Variants in GPHN observed in about 807,000 individuals in gnomAD.
GPHN encodes the protein gephyrin.
GPHN carries 17 observed loss-of-function variants against 95.5 expected under a neutral mutation model. The observed-to-expected ratio is 0.18, with a 90% CI of 0.12 to 0.27. GPHN has a LOEUF of 0.27. Among genes scored for constraint, GPHN ranks in the 10% least tolerant of loss-of-function variants. The pLI is 1.00. For synonymous variants in GPHN, 320 were observed against 322.5 expected, an observed-to-expected ratio of 0.99 and a Z score of 0.08; for missense variants, 660 against 978.1, an observed-to-expected ratio of 0.67 and a Z score of 4.34.
chr14:67,697,777 G>A, the GPHN span, among the ~76,000 whole-genome samples: 1 of 152,172 alleles, frequency 6.6e-6, no homozygotes, highest in Non-Finnish European at 1.5e-5. Flanking sequence ...CAGTTTCTTG[G>A]TAAGGGTGTT....
At chr14:66,932,207 C>T (rs1014323170) in intron 8 of GPHN, among the ~76,000 whole-genome samples, 15 of 152,074 alleles carry the variant, frequency 9.9e-5, no homozygotes, top group Non-Finnish European at 2.1e-4. Context: ...TTTTCCCTTA[C>T]TTTTCCCCAA....
intron 2 of GPHN, among the ~76,000 whole-genome samples, chr14:66,682,113 TGA>T (rs1171014466): frequency 6.6e-6 from 1 of 152,214 alleles, no homozygotes; most frequent in African/African-American, 2.4e-5. Context: ...TTAAAAAATA[TGA>T]GAGTGCTGAA....
chr14:67,529,485 T>C, the GPHN span, among the ~76,000 whole-genome samples: 2 of 152,196 alleles, frequency 1.3e-5, no homozygotes, highest in African/African-American at 4.8e-5. Flanking sequence ...AATGAATAAA[T>C]GAAAGAAGAG....
At chr14:67,265,834 G>A in the GPHN span, among the ~76,000 whole-genome samples, 6 of 149,598 alleles carry the variant, frequency 4.0e-5, no homozygotes, top group Non-Finnish European at 8.9e-5. Flanking sequence ...TCCAGCCTGG[G>A]TGACAGAGTG....
At chr14:66,858,700 T>C (rs1406011361) in intron 4 of GPHN, among the ~76,000 whole-genome samples, 1 of 151,940 alleles carries the variant, frequency 6.6e-6, no homozygotes, top group Non-Finnish European at 1.5e-5. Flanking sequence ...AAGTGGGCTC[T>C]TGGGGACCTG....
At chr14:66,801,624 C>A (rs141117740) in intron 3 of GPHN, among the ~76,000 whole-genome samples, 1,694 of 133,516 alleles carry the variant, frequency 0.013, 14 homozygotes, top group Non-Finnish European at 0.019. Flanking sequence ...CCCCTCCCCC[C>A]GCTCTCTCCC....
the GPHN span, among the ~76,000 whole-genome samples, chr14:67,233,918 C>A: frequency 6.6e-6 from 1 of 152,012 alleles, no homozygotes; most frequent in Non-Finnish European, 1.5e-5. Context: ...GAATTCAGGG[C>A]AGAAGTTCAG....
At chr14:66,542,541 T>C (rs1392708424) in intron 1 of GPHN, among the ~76,000 whole-genome samples, 2 of 152,196 alleles carry the variant, frequency 1.3e-5, no homozygotes, top group African/African-American at 4.8e-5. Context: ...ATCCCTTCGT[T>C]TGTGCATTAG....
the GPHN span, among the ~76,000 whole-genome samples, chr14:67,601,879 TA>T: frequency 2.6e-3 from 376 of 145,674 alleles, 1 homozygote; most frequent in Middle Eastern, 7.2e-3. Context: ...TATATTCATT[TA>T]AAAAAAAAAA....
the GPHN span, among the ~76,000 whole-genome samples, chr14:67,516,840 T>C: frequency 1.3e-5 from 2 of 152,146 alleles, no homozygotes; most frequent in African/African-American, 2.4e-5. Context: ...GAGGGAGTCA[T>C]GTTGGGTTCC....
chr14:66,616,379 C>T (rs1418735112), intron 1 of GPHN, among the ~76,000 whole-genome samples: 1 of 149,958 alleles, frequency 6.7e-6, no homozygotes. Flanking sequence ...AGGCTGCTGA[C>T]CCATGGATGG....
At chr14:66,880,199 T>C (rs1567053479) in intron 5 of GPHN, among the ~76,000 whole-genome samples, 166 bp downstream of exon 5, 1 of 149,288 alleles carries the variant, frequency 6.7e-6, no homozygotes, top group Admixed American at 6.7e-5. Context: ...CTATCATTGT[T>C]AAAAAAAAAA....
intron 19 of GPHN, among the ~76,000 whole-genome samples, chr14:67,160,150 T>G (rs953913255): frequency 6.6e-6 from 1 of 152,170 alleles, no homozygotes; most frequent in Non-Finnish European, 1.5e-5. Flanking sequence ...AAGTCTCTAT[T>G]AAATGAGAAC....
the GPHN span, among the ~76,000 whole-genome samples, chr14:67,730,893 C>A: frequency 6.6e-6 from 1 of 151,828 alleles, no homozygotes; most frequent in African/African-American, 2.4e-5. Flanking sequence ...CGTGAGCCAC[C>A]GCGCCCAGCC....
chr14:67,593,641 T>C, the GPHN span: 1 of 669,878 alleles, frequency 1.5e-6, no homozygotes, highest in East Asian at 2.7e-5. Flanking sequence ...ACCTTTTAAA[T>C]ATAAGTCTCA....
intron 3 of GPHN, among the ~76,000 whole-genome samples, chr14:66,780,609 C>T (rs971840348): frequency 1.3e-5 from 2 of 150,788 alleles, no homozygotes; most frequent in African/African-American, 2.4e-5. Flanking sequence ...AAGCAGGATT[C>T]ATGGATGATA....
the GPHN span, among the ~76,000 whole-genome samples, chr14:67,361,426 C>A: frequency 2.6e-5 from 4 of 152,190 alleles, no homozygotes; most frequent in East Asian, 7.7e-4. Flanking sequence ...TGATAACTTT[C>A]TTTTTCAACT....
the GPHN span, among the ~76,000 whole-genome samples, chr14:67,713,818 C>T: frequency 1.3e-5 from 2 of 152,146 alleles, no homozygotes; most frequent in Non-Finnish European, 2.9e-5. Flanking sequence ...GTAAAATGAA[C>T]ATCGGTTTGG....
At chr14:66,785,923 T>C (rs1351508527) in intron 3 of GPHN, among the ~76,000 whole-genome samples, 2 of 152,116 alleles carry the variant, frequency 1.3e-5, no homozygotes, top group Admixed American at 6.5e-5. Flanking sequence ...GGAAAAATTA[T>C]ATGCAAAGCA....
Sources: allele counts gnomAD v4.1 joint callset (sites outside exome capture counted in the v4.1 genomes callset), GRCh38; gene constraint gnomAD v4.1.1; transcripts MANE v1.5; gene names NCBI Gene and HGNC (gene_info 2026-07-23, HGNC 2026-07-21).